CAMK2D: variants seen among roughly 807,000 people sequenced by gnomAD.
The protein encoded by CAMK2D is calcium/calmodulin dependent protein kinase II delta.
Under a neutral mutation model 84.0 loss-of-function variants are expected in CAMK2D, and 37 were observed. The ratio of observed to expected loss-of-function variants is 0.44; its 90% CI spans 0.34 to 0.58. The LOEUF is 0.58. Ranked by LOEUF, CAMK2D falls within the 20% of genes least tolerant of loss-of-function variation. The pLI is 0.02. For missense variants in CAMK2D, 448 were observed against 652.5 expected (o/e 0.69, Z 3.41); for synonymous variants, 202 against 212.5 (o/e 0.95, Z 0.43).
intron 2 of CAMK2D, among the ~76,000 whole-genome samples, chr4:113,689,332 C>G (rs1282750466): frequency 6.6e-6 from 1 of 152,284 alleles, no homozygotes. Context: ...TCTCAGAAAG[C>G]TGACTTCCTC....
chr4:113,555,063 C>A (rs1432536102), intron 4 of CAMK2D, among the ~76,000 whole-genome samples: 1 of 152,040 alleles, frequency 6.6e-6, no homozygotes, highest in Non-Finnish European at 1.5e-5. Context: ...TGTATTATTA[C>A]CCTGTATAAT....
intron 13 of CAMK2D, among the ~76,000 whole-genome samples, chr4:113,506,497 T>C (rs765456317): frequency 6.6e-5 from 10 of 152,144 alleles, no homozygotes; most frequent in Non-Finnish European, 1.5e-4. Flanking sequence ...AACATGATAT[T>C]TGTGCAAGAG....
At chr4:113,460,013 A>G (rs576301708) in intron 18 of CAMK2D, 134 bp downstream of exon 18, 40 of 647,042 alleles carry the variant, frequency 6.2e-5, no homozygotes, top group Non-Finnish European at 1.1e-4. Flanking sequence ...TTTGAATACA[A>G]AACCATTGTA....
At chr4:113,685,020 A>G (rs1269236947) in intron 2 of CAMK2D, among the ~76,000 whole-genome samples, 1 of 152,146 alleles carries the variant, frequency 6.6e-6, no homozygotes, top group Non-Finnish European at 1.5e-5. Context: ...GGTACTGAGC[A>G]AAGTCCTTCT....
In CAMK2D at chr4:113,759,305, G is replaced by A. The variant is rs1353295278; in HGVS notation, c.160+15C>T. 5.2e-6 allele frequency: 8 copies of A among 1,540,896 alleles called. No individual in the cohort carries two copies. Among genetic ancestry groups the A allele is most frequent in the Non-Finnish European group, 7.2e-6 (8 of 1,117,978 alleles). On this transcript the variant is annotated intron_variant, in intron 2 of 20. Transcript: ENST00000511664. Reference sequence around the variant, plus strand: ...AATACAAAATTAACCAATATATGTGGTTGAAAATACCCACCCCTAGCAGAA... The same window carrying A: ...AATACAAAATTAACCAATATATGTGATTGAAAATACCCACCCCTAGCAGAA...
At chr4:113,548,573 A>G in intron 5 of CAMK2D, 1 of 662,816 alleles carries the variant, frequency 1.5e-6, no homozygotes, top group Non-Finnish European at 2.6e-6. Flanking sequence ...CAAGGGAACC[A>G]TTTTAAATAC....
At position 113,485,334 on chromosome 4, in the gene CAMK2D, C is replaced by A. The variant is rs762932548; in HGVS notation, c.1135+15129G>T. On this transcript the variant is annotated intron_variant, in intron 16 of 20. Transcript: ENST00000511664. The stretch of plus-strand genomic sequence containing the variant: ...TATGTTGTTGCCTCTGAATATCCAG[C>A]GCTTTTAACAGGGCTTGGCACTCAA... Among the ~76,000 whole-genome samples the A allele has an allele frequency of 2.6e-5, 4 of 152,158 alleles. No homozygotes were observed. The South Asian group carries it at 6.2e-4, about 24-fold the overall frequency.
At chr4:113,643,955 A>G (rs1395663548) in intron 3 of CAMK2D, among the ~76,000 whole-genome samples, 1 of 152,214 alleles carries the variant, frequency 6.6e-6, no homozygotes, top group Non-Finnish European at 1.5e-5. Flanking sequence ...TCTTCATGAG[A>G]TATTTGCAAA....
In CAMK2D at chr4:113,504,132, T is replaced by TATTTA. The variant is rs563834128; in HGVS notation, c.1044+839_1044+843dup. ...AATGATTCCTTAACATTTTTAAATT[T>TATTTA]ATTTAAAATAACAGTATGAGAAGAG... On this transcript the variant is annotated intron_variant, in intron 14 of 20. Transcript: ENST00000511664. 3.9e-3 allele frequency among the ~76,000 whole-genome samples: 587 copies of TATTTA among 152,346 alleles called. 5 individuals carry two copies. The highest frequency in any genetic ancestry group is 0.014 in the African/African-American group (567 of 41,576).
Position 113,529,446 on chromosome 4 carries a change from C to A in CAMK2D, c.601+1770G>T, listed in dbSNP as rs1304747341. Among the ~76,000 whole-genome samples the A allele has an allele frequency of 2.0e-5, 3 of 152,134 alleles. 1 individual carries two copies. Among genetic ancestry groups the A allele is most frequent in the African/African-American group, 7.2e-5 (3 of 41,436 alleles). On this transcript the variant is annotated intron_variant, in intron 8 of 20. Transcript: ENST00000511664. The stretch of plus-strand genomic sequence containing the variant: ...ACTTTTCCAAGCTTGCTGACAAACA[C>A]CAAAGGCACTGAAATCTGTCTGCAG...
At chr4:113,618,513 A>AT (rs2099031139) in intron 3 of CAMK2D, among the ~76,000 whole-genome samples, 1 of 152,086 alleles carries the variant, frequency 6.6e-6, no homozygotes, top group Admixed American at 6.6e-5. Flanking sequence ...CATTTATTGC[A>AT]TTTTTCCAAA....
chr4:113,556,104 A>AAAGACTAAGAAAATGTGCC (rs2098662963), intron 4 of CAMK2D, among the ~76,000 whole-genome samples: 1 of 152,168 alleles, frequency 6.6e-6, no homozygotes, highest in Non-Finnish European at 1.5e-5. Context: ...AAGCAGCCCA[A>AAAGACTAAGAAAATGTGCC]AAGACTAAGA....
chr4:113,567,194 G>A (rs1021423571), intron 4 of CAMK2D, among the ~76,000 whole-genome samples: 2 of 140,704 alleles, frequency 1.4e-5, no homozygotes, highest in Non-Finnish European at 3.0e-5. Context: ...TTGAGATGGA[G>A]TCTCGCTCTG....
intron 14 of CAMK2D, 47 bp downstream of exon 14, chr4:113,504,929 A>C (rs1455960492): frequency 8.7e-7 from 1 of 1,148,880 alleles, no homozygotes; most frequent in Non-Finnish European, 1.2e-6. Flanking sequence ...CACAAAAAAA[A>C]AAAAATGTAA....
intron 2 of CAMK2D, among the ~76,000 whole-genome samples, chr4:113,750,833 CAG>C (rs138611864): frequency 0.014 from 2,141 of 152,132 alleles, 53 homozygotes; most frequent in African/African-American, 0.049. Flanking sequence ...CTGAGGAACA[CAG>C]AGAGACTCTG....
At chr4:113,520,834 C>G (rs763350720) in intron 8 of CAMK2D, among the ~76,000 whole-genome samples, 1 of 151,962 alleles carries the variant, frequency 6.6e-6, no homozygotes, top group Non-Finnish European at 1.5e-5. Flanking sequence ...TCAAGATTAG[C>G]CTAGCCAACA....
Position 113,517,572 on chromosome 4 carries a change from T to C in CAMK2D, c.687A>G (p.Gly229=), listed in dbSNP as rs776846371. 2 of 1,538,554 alleles carry C rather than the reference T, an allele frequency of 1.3e-6. No homozygotes were observed. The highest frequency in any genetic ancestry group is 1.8e-6 in the Non-Finnish European group (2 of 1,113,816). The change falls in exon 9 of 21, where the codon GGA becomes GGG. Residue 229 remains glycine (G), a synonymous_variant. Coordinates refer to ENST00000511664, the MANE Select transcript of CAMK2D (RefSeq NM_001321571.2). The stretch of plus-strand genomic sequence containing the variant: ...AATAGTTATTACATACATCATAAGC[T>C]CCAGCCTTGATCTGCTGATAGAGTC... The part of the protein sequence containing the change: ...QHRLYQQIKA[G]AYDFPSPEWD...
At chr4:113,462,298 GTCTGTCTGTCTGTC>G (rs1554637260) in intron 17 of CAMK2D, among the ~76,000 whole-genome samples, 1,997 of 113,716 alleles carry the variant, frequency 0.018, 34 homozygotes, top group Non-Finnish European at 0.023. Flanking sequence ...GTGTGTGTCT[GTCTGTCTGTCTGTC>G]TGTCTGTCTG....
chr4:113,646,286 T>C (rs2099151647), intron 3 of CAMK2D, among the ~76,000 whole-genome samples: 1 of 152,240 alleles, frequency 6.6e-6, no homozygotes, highest in Admixed American at 6.5e-5. Flanking sequence ...ATAGCATGTA[T>C]TTATTGAGCG....
Sources: allele counts gnomAD v4.1 joint callset (sites outside exome capture counted in the v4.1 genomes callset), GRCh38; gene constraint gnomAD v4.1.1; transcripts MANE v1.5; gene names NCBI Gene and HGNC (gene_info 2026-07-23, HGNC 2026-07-21).